The following MED4 variants were observed in gnomAD, a reference collection of about 807,000 sequenced individuals.
MED4 encodes the protein mediator complex subunit 4.
Under a neutral mutation model 35.0 loss-of-function variants are expected in MED4, and 21 were observed. The ratio of observed to expected loss-of-function variants is 0.60; its 90% confidence interval spans 0.43 to 0.86. MED4 has a LOEUF of 0.86. Ranked by LOEUF, MED4 falls within the 40% of genes least tolerant of loss-of-function variation. The probability of loss-of-function intolerance (pLI) is 0.00; values close to 1 mark genes in which losing one functional copy is unlikely to be tolerated. For missense variants in MED4, 300 were observed against 319.4 expected (o/e 0.94, Z 0.46); for synonymous variants, 138 against 114.0 (o/e 1.21, Z -1.34).
At position 48,081,655 on chromosome 13, in the gene MED4, G is replaced by C. The variant is rs113412229; in HGVS notation, c.498C>G (p.Thr166=). 26 of 1,609,332 alleles carry C rather than the reference G, an allele frequency of 1.6e-5. No individual in the cohort carries two copies. Among genetic ancestry groups the C allele is most frequent in the Non-Finnish European group, 2.2e-5 (26 of 1,177,962 alleles). ...SASNAVCAPL[T]WVPGDPRRPY... ...GACGAGTATGTTTACCTGGAACCCA[G>C]GTCAGTGGAGCACATACAGCATTAC... The change falls in exon 5 of 7, where the codon ACC becomes ACG. Residue 166 remains threonine, a synonymous_variant. Coordinates refer to ENST00000258648, the MANE Select transcript of MED4 (RefSeq NM_014166.4).
At chr13:48,094,804 G>A (rs1454181925) in intron 1 of MED4, 150 bp downstream of exon 1, 15 of 1,136,198 alleles carry the variant, frequency 1.3e-5, no homozygotes, top group East Asian at 2.6e-5. Flanking sequence ...GAGGGCTGCG[G>A]ACCCCACGTC....
At position 48,081,630 on chromosome 13, in the gene MED4, G is replaced by C; in HGVS notation, c.508+15C>G. 6.3e-7 allele frequency: 1 copy of C among 1,585,684 alleles called. No homozygotes were observed. Among genetic ancestry groups the C allele is most frequent in the Non-Finnish European group, 8.6e-7 (1 of 1,158,482 alleles). On this transcript the variant is annotated intron_variant, in intron 5 of 6. Transcript: ENST00000258648. ...AAACCACATATATCTAGTATAATAA[G>C]ACGAGTATGTTTACCTGGAACCCAG...
chr13:48,078,828 A>T (rs1365576360), intron 6 of MED4, among the ~76,000 whole-genome samples: 1 of 152,186 alleles, frequency 6.6e-6, no homozygotes, highest in Non-Finnish European at 1.5e-5. Context: ...TTAGGTAGCT[A>T]ACAAAAATGA....
At chr13:48,087,845 G>A (rs1158383456) in intron 2 of MED4, among the ~76,000 whole-genome samples, 3 of 150,514 alleles carry the variant, frequency 2.0e-5, no homozygotes, top group African/African-American at 2.4e-5. Context: ...GCAAGACTTC[G>A]TCTCAGGAAA....
In MED4 at chr13:48,081,683, G is replaced by T; in HGVS notation, c.470C>A (p.Ala157Glu). Residue 157 changes from alanine to glutamate, a missense_variant, in exon 5 of 7, where the codon GCA becomes GAA. Transcript: ENST00000258648. ...EIIKYAHRIS[A>E]SNAVCAPLTW... ...CAGTGGAGCACATACAGCATTACTT[G>T]CACTGATCCTATGTGCATACTTAAT... 6.2e-7 allele frequency: 1 copy of T among 1,612,284 alleles called. No individual in the cohort carries two copies. Among genetic ancestry groups the T allele is most frequent in the Non-Finnish European group, 8.5e-7 (1 of 1,179,304 alleles).
chr13:48,079,484 T>TA (rs796248273), intron 6 of MED4, among the ~76,000 whole-genome samples: 10 of 152,330 alleles, frequency 6.6e-5, no homozygotes, highest in African/African-American at 2.4e-4. Context: ...CTCACACCTG[T>TA]AATTCCAGTA....
In MED4 at chr13:48,077,254, G is replaced by T; in HGVS notation, c.698C>A (p.Pro233Gln). Residue 233 changes from proline (P) to glutamine (Q), a missense_variant, in exon 7 of 7, where the codon CCA (proline) becomes CAA (glutamine). Pro to Gln is a moderately conservative substitution (Grantham distance 76, BLOSUM62 -1). Coordinates refer to ENST00000258648, the MANE Select transcript of MED4 (RefSeq NM_014166.4). ...QSNDMSMNML[P>Q]PNHSSDFLLE... ...CAAAAAGTCACTACTATGATTTGGT[G>T]GTAACATATTCATCGACATGTCATT... The T allele has an allele frequency of 1.3e-6, 2 of 1,583,624 alleles. No individual in the cohort carries two copies. The highest frequency in any genetic ancestry group is 1.7e-6 in the Non-Finnish European group (2 of 1,169,174).
rs1251643871 is a variant in MED4 at position 48,081,749 on chromosome 13, G to T, written c.422-18C>A. On this transcript the variant is annotated intron_variant, in intron 4 of 6. Transcript: ENST00000258648. ...GATAGCACCTGAAAGAGTTTTAAGAGGACAGTATAACCTGTAGTCTAACAA... is the reference window on the plus strand; with the variant it reads ...GATAGCACCTGAAAGAGTTTTAAGATGACAGTATAACCTGTAGTCTAACAA... 3.2e-6 allele frequency: 5 copies of T among 1,538,838 alleles called. No individual in the cohort carries two copies. Among genetic ancestry groups the T allele is most frequent in the Non-Finnish European group, 4.5e-6 (5 of 1,116,574 alleles).
chr13:48,080,032 A>G (rs1337784115), intron 5 of MED4, 57 bp from the exon 6 acceptor site: 3 of 1,567,484 alleles, frequency 1.9e-6, no homozygotes, highest in Non-Finnish European at 2.6e-6. Flanking sequence ...AAGTGTTAAT[A>G]TGTTATTTGA....
At chr13:48,093,265 T>TA (rs1161496079) in intron 1 of MED4, among the ~76,000 whole-genome samples, 21 of 151,758 alleles carry the variant, frequency 1.4e-4, no homozygotes, top group Admixed American at 1.1e-3. Context: ...ACAAATGGGT[T>TA]AAAAAAAACG....
In MED4 at chr13:48,089,276, T is replaced by A. The variant is rs564246891; in HGVS notation, c.192+1076A>T. On this transcript the variant is annotated intron_variant, in intron 2 of 6. Coordinates refer to ENST00000258648, the MANE Select transcript of MED4 (RefSeq NM_014166.4). ...TCATCTGGATCCCCTCCTCCCCTTT[T>A]GAGGCTCACTGACACTTTTCTATTG... 2.5e-3 allele frequency among the ~76,000 whole-genome samples: 375 copies of A among 152,316 alleles called. 2 individuals are homozygous for A. Among genetic ancestry groups the A allele is most frequent in the Non-Finnish European group, 3.2e-3 (215 of 68,032 alleles).
At position 48,081,686 on chromosome 13, in the gene MED4, C is replaced by A. The variant is rs1357991055; in HGVS notation, c.467G>T (p.Ser156Ile). 1 of 1,612,326 alleles carries A rather than the reference C, an allele frequency of 6.2e-7. No homozygotes were observed. Among genetic ancestry groups the A allele is most frequent in the East Asian group, 2.2e-5 (1 of 44,784 alleles). The change falls in exon 5 of 7, where the codon AGT becomes ATT. Residue 156 changes from serine (S) to isoleucine (I), a missense_variant. Ser to Ile is a moderately radical substitution (Grantham distance 142). Transcript: ENST00000258648. The stretch of plus-strand genomic sequence containing the variant: ...TGGAGCACATACAGCATTACTTGCA[C>A]TGATCCTATGTGCATACTTAATTAT... ...EEIIKYAHRI[S>I]ASNAVCAPLT...
chr13:48,077,108 T>C lies in MED4; in HGVS notation c.*31A>G. On this transcript the variant is annotated 3_prime_UTR_variant, in exon 7 of 7. Transcript: ENST00000258648. ...GTTAAAGAAACAGAATTCTACAGTA[T>C]TCAATTCTGTATATTGTCTTTTAAG... 1 of 1,553,650 alleles carries C rather than the reference T, an allele frequency of 6.4e-7. No individual in the cohort carries two copies. Among genetic ancestry groups the C allele is most frequent in the Non-Finnish European group, 8.7e-7 (1 of 1,149,502 alleles).
intron 6 of MED4, among the ~76,000 whole-genome samples, chr13:48,079,328 G>A (rs1682855101): frequency 1.3e-5 from 2 of 152,198 alleles, no homozygotes; most frequent in South Asian, 4.1e-4. Context: ...CCAAATGCCT[G>A]AGGAAGACAG....
chr13:48,092,842 G>C lies in MED4; in HGVS notation c.125+2112C>G, dbSNP rs143673856. 3.8e-3 allele frequency among the ~76,000 whole-genome samples: 585 copies of C among 152,316 alleles called. 2 individuals are homozygous for C. Among genetic ancestry groups the C allele is most frequent in the African/African-American group, 0.013 (548 of 41,560 alleles). ...TGACTAGAGTGGGGCTATGGTAGGA[G>C]ATGTGGGATAAGCCTTCCTCTGTTC... is the stretch of plus-strand genomic sequence containing the variant. On this transcript the variant is annotated intron_variant, in intron 1 of 6. Transcript: ENST00000258648.
chr13:48,092,396 G>C (rs1950895995), intron 1 of MED4, among the ~76,000 whole-genome samples: 1 of 152,218 alleles, frequency 6.6e-6, no homozygotes, highest in Non-Finnish European at 1.5e-5. Context: ...ACAGGCATGA[G>C]CCACTGCGCC....
chr13:48,080,140 T>A, intron 5 of MED4, 165 bp from the exon 6 acceptor site: 1 of 682,012 alleles, frequency 1.5e-6, no homozygotes, highest in Non-Finnish European at 2.3e-6. Context: ...CTCACGCCTG[T>A]AATCCCAGCA....
At chr13:48,077,720 T>C (rs761122161) in intron 6 of MED4, among the ~76,000 whole-genome samples, 6 of 152,070 alleles carry the variant, frequency 3.9e-5, no homozygotes, top group Non-Finnish European at 8.8e-5. Flanking sequence ...TTTTTAAGAC[T>C]AGGAAAAAAA....
rs1295726287 is a variant in MED4 at position 48,077,188 on chromosome 13, A to C, written c.764T>G (p.Val255Gly). ...PGHNKENEDD[V>G]EIMSTDSSSS... Reference sequence around the variant, plus strand: ...TGAGGAGTCCGTTGACATAATCTCTACATCATCTTCATTTTCTTTATTATG... The same window carrying C: ...TGAGGAGTCCGTTGACATAATCTCTCCATCATCTTCATTTTCTTTATTATG... Residue 255 changes from valine (V) to glycine (G), a missense_variant, in exon 7 of 7, where the codon GTA becomes GGA. Val to Gly is a moderately radical substitution (Grantham distance 109). Coordinates refer to ENST00000258648, the MANE Select transcript of MED4 (RefSeq NM_014166.4). 1 of 1,609,008 alleles carries C rather than the reference A, an allele frequency of 6.2e-7. No individual in the cohort carries two copies. Among genetic ancestry groups the C allele is most frequent in the Non-Finnish European group, 8.5e-7 (1 of 1,178,392 alleles).
Sources: gnomAD v4.1 joint callset for allele counts (sites outside exome capture counted in the v4.1 genomes callset) on GRCh38, gnomAD v4.1.1 for gene constraint, MANE v1.5 for transcripts, NCBI Gene and HGNC (gene_info 2026-07-23, HGNC 2026-07-21) for gene names.